The following PARD3B variants were observed in gnomAD, a reference collection of about 807,000 sequenced individuals.
PARD3B encodes the protein par-3 family cell polarity regulator beta, also known as partitioning defective 3 homolog B.
In PARD3B, 103 loss-of-function variants were observed where a neutral mutation model predicts 130.2. That is an observed-to-expected ratio of 0.79 (90% confidence interval 0.67 to 0.93). PARD3B has a LOEUF of 0.93. Ranked by LOEUF, PARD3B falls within the 40% of genes least tolerant of loss-of-function variation. PARD3B has a pLI of 0.00. For missense variants in PARD3B, 1,609 were observed against 1,499.2 expected, an observed-to-expected ratio of 1.07 and a Z score of -1.21; for synonymous variants, 583 against 553.2, an observed-to-expected ratio of 1.05 and a Z score of -0.76.
chr2:205,431,937 GCTT>G (rs999163679), intron 19 of PARD3B, among the ~76,000 whole-genome samples: 3 of 152,074 alleles, frequency 2.0e-5, no homozygotes, highest in African/African-American at 7.2e-5. Context: ...AATCTCAGCT[GCTT>G]CTTCTCTAAA....
chr2:205,424,868 A>C (rs2047090758), intron 19 of PARD3B, among the ~76,000 whole-genome samples: 1 of 152,158 alleles, frequency 6.6e-6, no homozygotes, highest in Non-Finnish European at 1.5e-5. Context: ...TTAATACAGA[A>C]AACTTAGTTT....
intron 4 of PARD3B, among the ~76,000 whole-genome samples, chr2:205,057,954 T>C (rs1047074170): frequency 1.3e-5 from 2 of 151,798 alleles, no homozygotes; most frequent in Non-Finnish European, 2.9e-5. Flanking sequence ...TTTAAGTGTA[T>C]AGTTCCATGG....
chr2:204,617,493 C>G (rs575032050), intron 1 of PARD3B, among the ~76,000 whole-genome samples: 2 of 152,132 alleles, frequency 1.3e-5, no homozygotes, highest in Admixed American at 6.6e-5. Flanking sequence ...ATAAGCCAAG[C>G]CAAGGCAACT....
At chr2:204,652,390 A>C (rs1379656054) in intron 1 of PARD3B, among the ~76,000 whole-genome samples, 4 of 152,104 alleles carry the variant, frequency 2.6e-5, no homozygotes, top group African/African-American at 7.2e-5. Flanking sequence ...CTCAAGTTCA[A>C]AGTTTCTAGG....
At chr2:205,254,695 G>A (rs1236735522) in intron 16 of PARD3B, among the ~76,000 whole-genome samples, 10 of 148,926 alleles carry the variant, frequency 6.7e-5, no homozygotes, top group African/African-American at 2.2e-4. Context: ...ATGGAGTCTC[G>A]CTCTGTCGCC....
At chr2:204,683,456 G>A (rs1334213438) in intron 1 of PARD3B, among the ~76,000 whole-genome samples, 1 of 152,110 alleles carries the variant, frequency 6.6e-6, no homozygotes, top group Non-Finnish European at 1.5e-5. Context: ...GCAATGTAAT[G>A]GTTGAAATTT....
rs2034920700 is a variant in PARD3B at position 204,637,350 on chromosome 2, T to C, written c.121-48831T>C. On this transcript the variant is annotated intron_variant, in intron 1 of 22. Coordinates refer to ENST00000406610, the MANE Select transcript of PARD3B (RefSeq NM_001302769.2). ...GGTCAGGCTTTTTTGAAGTCTTCAG[T>C]TATTGTCCTACTGTCCTATTGTTAA... 2.0e-5 allele frequency among the ~76,000 whole-genome samples: 3 copies of C among 152,190 alleles called. 1 individual carries two copies. In the South Asian group the frequency reaches 6.2e-4, roughly 32 times the overall value.
chr2:205,014,885 T>G (rs1696005665), intron 3 of PARD3B, among the ~76,000 whole-genome samples: 1 of 152,212 alleles, frequency 6.6e-6, no homozygotes, highest in Admixed American at 6.5e-5. Context: ...GGAATGTAAC[T>G]GTCATAGGCC....
chr2:205,301,881 T>C lies in PARD3B; in HGVS notation c.2630+180T>C. ...GGCAGAGGAGCTTTTTGGGGAAAGT[T>C]ACAGTGATGACAGGACACTGTCTTA... On this transcript the variant is annotated intron_variant, in intron 18 of 22. Transcript: ENST00000406610. The surrounding 1 kb of genome is among the most constrained non-coding windows in gnomAD (Gnocchi z 5.2). 1 of 947,024 alleles carries C rather than the reference T, an allele frequency of 1.1e-6. No homozygotes were observed. The highest frequency in any genetic ancestry group is 1.7e-6 in the Non-Finnish European group (1 of 582,848). The allele number at this position is 947,024 out of a possible 1,614,324, so 58.7% of individuals were successfully genotyped here. A position where few individuals can be genotyped will look rare whatever the true frequency, so the allele number is the denominator to read the frequency against.
At chr2:205,220,467 C>T (rs2038180269) in intron 15 of PARD3B, among the ~76,000 whole-genome samples, 1 of 152,136 alleles carries the variant, frequency 6.6e-6, no homozygotes, top group African/African-American at 2.4e-5. Flanking sequence ...TGTTAGGTGC[C>T]TCATTACCAA....
intron 2 of PARD3B, among the ~76,000 whole-genome samples, chr2:204,718,629 C>G (rs1333368859): frequency 6.6e-6 from 1 of 152,148 alleles, no homozygotes; most frequent in Non-Finnish European, 1.5e-5. Context: ...ACTGACTTTG[C>G]ATGTGACCTC....
At chr2:204,882,139 A>G (rs2046078208) in intron 2 of PARD3B, among the ~76,000 whole-genome samples, 1 of 152,292 alleles carries the variant, frequency 6.6e-6, no homozygotes, top group African/African-American at 2.4e-5. Context: ...TTGGAATACA[A>G]TCACTGGAGT....
intron 21 of PARD3B, among the ~76,000 whole-genome samples, chr2:205,518,490 G>T (rs1251441868): frequency 6.6e-6 from 1 of 152,118 alleles, no homozygotes; most frequent in African/African-American, 2.4e-5. Context: ...TGTGAAATGG[G>T]TCTCTTGAAG....
chr2:204,586,801 A>G lies in PARD3B; in HGVS notation c.120+40682A>G, dbSNP rs997376165. Among the ~76,000 whole-genome samples the G allele has an allele frequency of 7.9e-5, 12 of 152,214 alleles. No homozygotes were observed. The South Asian group carries it at 2.1e-3, about 26-fold the overall frequency. On this transcript the variant is annotated intron_variant, in intron 1 of 22. Coordinates refer to ENST00000406610, the MANE Select transcript of PARD3B (RefSeq NM_001302769.2). ...TATATTTTAACATAGTACGTGAAATATTAATAGTAAATATGAAATATAAAT... is the reference window on the plus strand; with the variant it reads ...TATATTTTAACATAGTACGTGAAATGTTAATAGTAAATATGAAATATAAAT...
At chr2:205,538,813 TAGAA>T (rs1559193508) in intron 21 of PARD3B, among the ~76,000 whole-genome samples, 1 of 152,226 alleles carries the variant, frequency 6.6e-6, no homozygotes, top group Non-Finnish European at 1.5e-5. Flanking sequence ...TTTTAACCAA[TAGAA>T]AGGTCAGATT....
intron 2 of PARD3B, among the ~76,000 whole-genome samples, chr2:204,941,202 C>A (rs557930564): frequency 5.5e-4 from 84 of 152,224 alleles, no homozygotes; most frequent in African/African-American, 1.9e-3. Flanking sequence ...GGCCAAACTC[C>A]GTCTCTACTA....
chr2:205,187,033 G>A lies in PARD3B; in HGVS notation c.2024+1170G>A, dbSNP rs1463929421. 3.9e-5 allele frequency among the ~76,000 whole-genome samples: 6 copies of A among 152,192 alleles called. No individual in the cohort carries two copies. The highest frequency in any genetic ancestry group is 1.5e-5 in the Non-Finnish European group (1 of 68,042). ...CTTCAGGAAGCTGGTAGGCTGACAGGTAGGCTCATGGGACGACTGGAACAC... is the reference window on the plus strand; with the variant it reads ...CTTCAGGAAGCTGGTAGGCTGACAGATAGGCTCATGGGACGACTGGAACAC... On this transcript the variant is annotated intron_variant, in intron 14 of 22. Coordinates refer to ENST00000406610, the MANE Select transcript of PARD3B (RefSeq NM_001302769.2). This position sits in a 1 kb window ranked among gnomAD's most constrained non-coding sequence, Gnocchi z 4.9.
At chr2:205,578,521 T>C (rs984428309) in intron 22 of PARD3B, among the ~76,000 whole-genome samples, 1 of 152,182 alleles carries the variant, frequency 6.6e-6, no homozygotes, top group Admixed American at 6.5e-5. Flanking sequence ...CAAATGAAGG[T>C]ATATCTACTA....
intron 16 of PARD3B, among the ~76,000 whole-genome samples, chr2:205,246,239 CT>C (rs35692211): frequency 0.99 from 142,033 of 143,618 alleles, 70,230 homozygotes; most frequent in East Asian, 1. Flanking sequence ...GATTTTTTTT[CT>C]TTTTTTTTTT....
Sources: allele counts gnomAD v4.1 joint callset (sites outside exome capture counted in the v4.1 genomes callset), GRCh38; gene constraint gnomAD v4.1.1; non-coding constraint Gnocchi (gnomAD v3.1); transcripts MANE v1.5; gene names NCBI Gene and HGNC (gene_info 2026-07-23, HGNC 2026-07-21).